Variants in ACER3 observed in about 807,000 individuals in gnomAD.
The protein encoded by ACER3 is alkCDase 3.
ACER3 carries 16 observed loss-of-function variants against 48.9 expected under a neutral mutation model. That is an observed-to-expected ratio of 0.33 (90% confidence interval 0.22 to 0.50). The LOEUF is 0.50. Ranked by LOEUF, ACER3 falls within the 20% of genes least tolerant of loss-of-function variation. The probability of loss-of-function intolerance (pLI) is 0.98; values close to 1 mark genes in which losing one functional copy is unlikely to be tolerated. For synonymous variants in ACER3, 109 were observed against 107.8 expected, an observed-to-expected ratio of 1.01 and a Z score of -0.07; for missense variants, 227 against 326.0, an observed-to-expected ratio of 0.70 and a Z score of 2.34.
chr11:76,894,614 A>G (rs1200672830), intron 1 of ACER3, among the ~76,000 whole-genome samples: 1 of 152,242 alleles, frequency 6.6e-6, no homozygotes, highest in Non-Finnish European at 1.5e-5. Flanking sequence ...GTTAATGGAT[A>G]TATTTATAAA....
At chr11:76,906,217 G>T (rs1449133307) in intron 1 of ACER3, among the ~76,000 whole-genome samples, 1 of 152,178 alleles carries the variant, frequency 6.6e-6, no homozygotes, top group Non-Finnish European at 1.5e-5. Flanking sequence ...CTAATGAAAG[G>T]CCACAAGATT....
intron 3 of ACER3, among the ~76,000 whole-genome samples, chr11:76,968,568 C>T (rs1948204048): frequency 6.6e-6 from 1 of 152,206 alleles, no homozygotes; most frequent in African/African-American, 2.4e-5. Flanking sequence ...GTAACCAAAA[C>T]AGCCTGGTAC....
chr11:76,956,744 G>T (rs1947852596), intron 2 of ACER3, among the ~76,000 whole-genome samples: 1 of 139,396 alleles, frequency 7.2e-6, no homozygotes, highest in Non-Finnish European at 1.6e-5. Flanking sequence ...TAACTTAAAG[G>T]TTTTTTTTTT....
At chr11:76,918,267 T>C (rs75437933) in intron 1 of ACER3, among the ~76,000 whole-genome samples, 1,741 of 152,234 alleles carry the variant, frequency 0.011, 36 homozygotes, top group African/African-American at 0.04. Context: ...CTGTTTTTTT[T>C]TTCTTCTGAT....
At chr11:76,984,241 A>T (rs929041457) in intron 4 of ACER3, among the ~76,000 whole-genome samples, 2 of 152,224 alleles carry the variant, frequency 1.3e-5, no homozygotes, top group African/African-American at 2.4e-5. Flanking sequence ...TAAGAAAGTG[A>T]CTATATGTAA....
intron 2 of ACER3, among the ~76,000 whole-genome samples, chr11:76,945,059 T>C (rs550791285): frequency 4.7e-4 from 71 of 152,154 alleles, no homozygotes; most frequent in African/African-American, 1.7e-3. Flanking sequence ...CCAGAATTTC[T>C]CTTTGGTTTT....
intron 5 of ACER3, 74 bp from the exon 6 acceptor site, chr11:76,990,465 A>G: frequency 9.4e-7 from 1 of 1,060,610 alleles, no homozygotes; most frequent in East Asian, 2.4e-5. Flanking sequence ...TGGGATTTGC[A>G]GAGTAATTGG....
chr11:77,019,573 T>C (rs1433617262), intron 9 of ACER3, 158 bp from the exon 10 acceptor site: 11 of 651,908 alleles, frequency 1.7e-5, no homozygotes, highest in Non-Finnish European at 1.9e-5. Context: ...TTTGAGTAGA[T>C]GCTCAAAAAA....
chr11:76,916,678 A>G (rs1946538571), intron 1 of ACER3, among the ~76,000 whole-genome samples: 1 of 152,182 alleles, frequency 6.6e-6, no homozygotes, highest in Non-Finnish European at 1.5e-5. Flanking sequence ...CCATTTTCAG[A>G]TTATGTCATT....
rs1565216492 is a variant in ACER3, at chr11:76,990,530, A to AT, written c.403-5dup. 1 of 1,502,734 alleles carries AT rather than the reference A, an allele frequency of 6.7e-7. No homozygotes were observed. 93.1% of individuals were successfully genotyped at this position (1,502,734 alleles called of 1,614,324 possible). On this transcript the variant is annotated splice_polypyrimidine_tract_variant and intron_variant, in intron 5 of 10. Transcript: ENST00000532485. ...TTCATTCACATGTGTTTTTTCTAAT[A>AT]TTTTGCAGGTTTACCTTAAGGTAAA...
rs570291271 is a variant in ACER3, at chr11:76,873,358, G to A, written c.103+12279G>A. ...GTATGTAAGGAAAGTAAGTTCAAAA[G>A]GATAAGCAGTTTGTTAAGGATCACA... On this transcript the variant is annotated intron_variant, in intron 1 of 10. Transcript: ENST00000532485. 7.9e-5 allele frequency among the ~76,000 whole-genome samples: 12 copies of A among 152,292 alleles called. No individual in the cohort carries two copies. In the East Asian group the frequency reaches 2.1e-3, roughly 27 times the overall value.
intron 5 of ACER3, 52 bp from the exon 6 acceptor site, chr11:76,990,487 C>T (rs1189459512): frequency 1.8e-5 from 17 of 962,388 alleles, no homozygotes; most frequent in Non-Finnish European, 2.6e-5. Context: ...GTCGGTTTTT[C>T]CCCCCTTCAT....
intron 2 of ACER3, among the ~76,000 whole-genome samples, chr11:76,932,382 T>TA (rs1191278596): frequency 1.1e-4 from 17 of 152,242 alleles, no homozygotes; most frequent in Middle Eastern, 3.2e-3. Flanking sequence ...AGATTCTACC[T>TA]TAGATTATTT....
intron 2 of ACER3, among the ~76,000 whole-genome samples, chr11:76,936,090 C>T (rs147408528): frequency 6.6e-4 from 101 of 152,300 alleles, no homozygotes; most frequent in African/African-American, 2.4e-3. Context: ...ACTGGACTTA[C>T]GGTTCCACAT....
At chr11:76,959,939 C>T (rs1306172684) in intron 3 of ACER3, among the ~76,000 whole-genome samples, 2 of 152,028 alleles carry the variant, frequency 1.3e-5, no homozygotes, top group Non-Finnish European at 2.9e-5. Context: ...AGTTTCCATC[C>T]TTACTCTGAG....
intron 1 of ACER3, among the ~76,000 whole-genome samples, chr11:76,864,848 T>A (rs1945033847): frequency 3.0e-5 from 1 of 33,870 alleles, no homozygotes; most frequent in Non-Finnish European, 2.2e-4. Context: ...GATCCACCTG[T>A]TCAGCCTCCC....
chr11:76,969,381 G>A (rs1160869338), intron 3 of ACER3, among the ~76,000 whole-genome samples: 21 of 152,298 alleles, frequency 1.4e-4, no homozygotes, highest in Non-Finnish European at 2.4e-4. Flanking sequence ...GTGGAAGACA[G>A]TGTGGCGATT....
chr11:76,933,103 C>T (rs579401), intron 2 of ACER3, among the ~76,000 whole-genome samples: 138,442 of 149,814 alleles, frequency 0.92, 64,225 homozygotes, highest in African/African-American at 0.98. Context: ...AAGATCCTAC[C>T]TAAAACAAAG....
chr11:76,906,547 A>G (rs1946236761), intron 1 of ACER3, among the ~76,000 whole-genome samples: 1 of 152,038 alleles, frequency 6.6e-6, no homozygotes, highest in African/African-American at 2.4e-5. Flanking sequence ...CTAACCTCCA[A>G]GCCTTCAGAG....
Sources: gnomAD v4.1 joint callset for allele counts (sites outside exome capture counted in the v4.1 genomes callset) on GRCh38, gnomAD v4.1.1 for gene constraint, MANE v1.5 for transcripts, NCBI Gene and HGNC (gene_info 2026-07-23, HGNC 2026-07-21) for gene names.